ALG14: variants seen among roughly 807,000 people sequenced by gnomAD.
The protein encoded by ALG14 is UDP-N-acetylglucosamine transferase subunit ALG14.
In ALG14, 17 loss-of-function variants were observed where a neutral mutation model predicts 22.8. The ratio of observed to expected loss-of-function variants is 0.75; its 90% CI spans 0.51 to 1.12. ALG14 has a LOEUF of 1.12. ALG14 is among the 50% of genes most tolerant of loss of function. ALG14 has a pLI of 0.00. For missense variants in ALG14, 288 were observed against 271.8 expected (o/e 1.06, Z -0.42); for synonymous variants, 89 against 103.7 (o/e 0.86, Z 0.86).
At chr1:95,043,273 T>C (rs1198486664) in intron 2 of ALG14, among the ~76,000 whole-genome samples, 1 of 152,152 alleles carries the variant, frequency 6.6e-6, no homozygotes, top group Non-Finnish European at 1.5e-5. Context: ...TCAAGGGCGA[T>C]GGGAGGGGAG....
chr1:95,026,306 G>T lies in ALG14; in HGVS notation c.420+823C>A, dbSNP rs1485213872. 4.6e-5 allele frequency among the ~76,000 whole-genome samples: 7 copies of T among 152,278 alleles called. No homozygotes were observed. The South Asian group carries it at 1.4e-3, about 32-fold the overall frequency. ...ACTTGACTAACTGCCTATTGCAAAT[G>T]CCTTCCTCACTAAGCTTAATCATTT... On this transcript the variant is annotated intron_variant, in intron 3 of 3. Transcript: ENST00000370205.
At position 94,984,620 on chromosome 1, in the gene ALG14, CTT is replaced by C. The variant is rs1384575162; in HGVS notation, c.421-1316_421-1315del. ...CTTTTATGGAGAATTTGTCTTCAGACTTTCCCTTGAATTACCAGCTACTAAGC... is the reference window on the plus strand; with the variant it reads ...CTTTTATGGAGAATTTGTCTTCAGACTCCCTTGAATTACCAGCTACTAAGC... On this transcript the variant is annotated intron_variant, in intron 3 of 3. Coordinates refer to ENST00000370205, the MANE Select transcript of ALG14 (RefSeq NM_144988.4). 2.0e-5 allele frequency among the ~76,000 whole-genome samples: 3 copies of C among 152,218 alleles called. No homozygotes were observed. The East Asian group carries it at 5.8e-4, about 29-fold the overall frequency.
intron 2 of ALG14, among the ~76,000 whole-genome samples, chr1:95,046,316 A>T (rs1674554517): frequency 1.3e-5 from 2 of 152,326 alleles, no homozygotes; most frequent in Admixed American, 1.3e-4. Context: ...GTGAGCCAGC[A>T]TTACCACCTG....
chr1:95,034,962 C>T (rs1302266961), intron 2 of ALG14, among the ~76,000 whole-genome samples: 1 of 152,168 alleles, frequency 6.6e-6, no homozygotes, highest in Non-Finnish European at 1.5e-5. Context: ...CCAAACCCAC[C>T]TACCACTGTT....
At chr1:94,990,474 TC>T (rs2100719514) in intron 3 of ALG14, among the ~76,000 whole-genome samples, 1 of 152,374 alleles carries the variant, frequency 6.6e-6, no homozygotes, top group East Asian at 1.9e-4. Flanking sequence ...TCCCTGACTA[TC>T]TATGAACCCA....
chr1:95,003,622 A>T (rs543296516), intron 3 of ALG14, among the ~76,000 whole-genome samples: 48 of 151,754 alleles, frequency 3.2e-4, no homozygotes, highest in African/African-American at 1.1e-3. Flanking sequence ...CTAATTTTTT[A>T]AAAATTTTTA....
intron 3 of ALG14, among the ~76,000 whole-genome samples, chr1:95,008,019 A>G (rs1673263897): frequency 6.6e-6 from 1 of 152,214 alleles, no homozygotes; most frequent in Non-Finnish European, 1.5e-5. Context: ...AGTGGAATTA[A>G]CTAATAAAAT....
At chr1:95,070,925 G>A (rs1025366690) in intron 1 of ALG14, among the ~76,000 whole-genome samples, 5 of 152,030 alleles carry the variant, frequency 3.3e-5, no homozygotes, top group Non-Finnish European at 5.9e-5. Context: ...TTTTAATGTA[G>A]AGACAGGGTT....
chr1:95,018,774 TCA>T (rs1247936563), intron 3 of ALG14, among the ~76,000 whole-genome samples: 2 of 152,264 alleles, frequency 1.3e-5, no homozygotes, highest in African/African-American at 4.8e-5. Context: ...CTGTGTGACT[TCA>T]CAGAGATGAA....
intron 2 of ALG14, among the ~76,000 whole-genome samples, chr1:95,060,119 TACACACACAAAC>T (rs1304475038): frequency 5.3e-5 from 6 of 113,630 alleles, no homozygotes; most frequent in South Asian, 5.8e-4. Context: ...CTCCTATACA[TACACACACAAAC>T]ACACACACAC....
intron 2 of ALG14, among the ~76,000 whole-genome samples, chr1:95,063,172 T>G (rs762773850): frequency 3.3e-5 from 5 of 152,242 alleles, no homozygotes; most frequent in Admixed American, 6.5e-5. Flanking sequence ...TTGTTTAAGT[T>G]CCTTGTAGAC....
Position 94,975,819 on chromosome 1 carries a change from T to A in ALG14, c.*7257A>T, listed in dbSNP as rs1461970451. On this transcript the variant is annotated 3_prime_UTR_variant, in exon 4 of 4. Coordinates refer to ENST00000370205, the MANE Select transcript of ALG14 (RefSeq NM_144988.4). The stretch of plus-strand genomic sequence containing the variant: ...ATGGAGACCATCCTGGCTAACACAG[T>A]GAAACCCTGTCTCTACTAAAAATAC... The A allele has an allele frequency of 1.3e-5, 2 of 150,924 alleles. No homozygotes were observed. Among genetic ancestry groups the A allele is most frequent in the East Asian group, 1.9e-4 (1 of 5,134 alleles). 9.3% of individuals were successfully genotyped at this position (150,924 alleles called of 1,614,324 possible).
chr1:95,045,141 T>G (rs1423360090), intron 2 of ALG14, among the ~76,000 whole-genome samples: 1 of 152,224 alleles, frequency 6.6e-6, no homozygotes, highest in Non-Finnish European at 1.5e-5. Context: ...GTGATTGAGT[T>G]TTGCATATTT....
chr1:95,004,248 G>T (rs985394378), intron 3 of ALG14, among the ~76,000 whole-genome samples: 2 of 139,874 alleles, frequency 1.4e-5, no homozygotes, highest in Non-Finnish European at 3.0e-5. Flanking sequence ...TTGAGACAGC[G>T]TCTCGCTCTA....
chr1:95,016,595 C>T (rs7532763), intron 3 of ALG14, among the ~76,000 whole-genome samples: 11,515 of 152,142 alleles, frequency 0.076, 468 homozygotes, highest in South Asian at 0.1. Context: ...TGTTCTGCCA[C>T]AACAGCAATG....
At chr1:95,055,001 T>G (rs1195517006) in intron 2 of ALG14, among the ~76,000 whole-genome samples, 1 of 152,204 alleles carries the variant, frequency 6.6e-6, no homozygotes, top group Non-Finnish European at 1.5e-5. Context: ...CAAGAATAGT[T>G]CATACCACGT....
At chr1:95,068,532 C>G (rs896116540) in intron 1 of ALG14, among the ~76,000 whole-genome samples, 22 of 152,116 alleles carry the variant, frequency 1.4e-4, no homozygotes, top group African/African-American at 5.3e-4. Flanking sequence ...TCAGGTGATC[C>G]ACCTACCTCA....
At chr1:95,010,817 T>C (rs1035210072) in intron 3 of ALG14, among the ~76,000 whole-genome samples, 4 of 152,156 alleles carry the variant, frequency 2.6e-5, no homozygotes, top group Non-Finnish European at 2.9e-5. Flanking sequence ...AAAGAAAAGA[T>C]AGTTCTTGAC....
intron 3 of ALG14, among the ~76,000 whole-genome samples, chr1:94,984,940 T>TTTGC (rs1009479685): frequency 2.1e-5 from 3 of 145,682 alleles, no homozygotes; most frequent in African/African-American, 8.5e-5. Flanking sequence ...AGTTCTCTTT[T>TTTGC]TTTTCTTTTT....
Sources: gnomAD v4.1 joint callset for allele counts (sites outside exome capture counted in the v4.1 genomes callset) on GRCh38, gnomAD v4.1.1 for gene constraint, MANE v1.5 for transcripts, NCBI Gene and HGNC (gene_info 2026-07-23, HGNC 2026-07-21) for gene names.